Variants in GSE1 observed in about 807,000 individuals in gnomAD.
GSE1 encodes genetic suppressor element 1.
GSE1 carries 32 observed loss-of-function variants against 112.6 expected under a neutral mutation model. The ratio of observed to expected loss-of-function variants is 0.28; its 90% CI spans 0.21 to 0.38. GSE1 has a LOEUF of 0.38. Among genes scored for constraint, GSE1 ranks in the 10% least tolerant of loss-of-function variants. The pLI is 1.00. For synonymous variants in GSE1, 1,115 were observed against 735.6 expected (o/e 1.52, Z -8.35); for missense variants, 2,348 against 1,699.2 (o/e 1.38, Z -6.71).
chr16:85,182,023 A>G (rs1049567382), intron 1 of GSE1, among the ~76,000 whole-genome samples: 3 of 152,216 alleles, frequency 2.0e-5, no homozygotes, highest in African/African-American at 7.2e-5. Flanking sequence ...CCTCTGGACA[A>G]GGGAGCCCCG....
intron 2 of GSE1, among the ~76,000 whole-genome samples, chr16:85,416,941 A>G (rs1245574658): frequency 1.3e-5 from 2 of 150,460 alleles, no homozygotes; most frequent in African/African-American, 4.9e-5. Context: ...TGCAGCCTCA[A>G]CCTCCCAGGC....
chr16:85,302,448 GC>G (rs55673103), intron 1 of GSE1, among the ~76,000 whole-genome samples: 63,952 of 149,636 alleles, frequency 0.43, 14,392 homozygotes, highest in African/African-American at 0.55. Flanking sequence ...ACAGCACACC[GC>G]CCCCCCCCGC....
chr16:85,543,705 G>A (rs1378867636), intron 2 of GSE1, among the ~76,000 whole-genome samples: 3 of 152,218 alleles, frequency 2.0e-5, no homozygotes, highest in African/African-American at 7.2e-5. Context: ...GAGGGCAGCT[G>A]TTGGCTCAAG....
chr16:85,501,495 C>A (rs1021377973), intron 2 of GSE1, among the ~76,000 whole-genome samples: 2 of 150,152 alleles, frequency 1.3e-5, no homozygotes, highest in Non-Finnish European at 3.0e-5. Flanking sequence ...TGGGTTCAAG[C>A]GATCTCCCGC....
At chr16:85,358,991 C>T (rs1183172586) in intron 2 of GSE1, among the ~76,000 whole-genome samples, 1 of 152,238 alleles carries the variant, frequency 6.6e-6, no homozygotes, top group East Asian at 1.9e-4. Flanking sequence ...GAGTGCCTGG[C>T]TCACGGGGCA....
intron 1 of GSE1, among the ~76,000 whole-genome samples, chr16:85,337,021 C>T (rs1383336002): frequency 2.6e-5 from 4 of 152,268 alleles, no homozygotes; most frequent in Non-Finnish European, 5.9e-5. Flanking sequence ...TCCACAGGCA[C>T]ATTTGCTATG....
chr16:85,394,308 T>C (rs1307475441), intron 2 of GSE1, among the ~76,000 whole-genome samples: 1 of 152,104 alleles, frequency 6.6e-6, no homozygotes, highest in Non-Finnish European at 1.5e-5. Context: ...TTAGCGCTCA[T>C]TAAAGTTTAA....
At chr16:85,287,570 G>T (rs2045073922) in intron 1 of GSE1, among the ~76,000 whole-genome samples, 1 of 152,008 alleles carries the variant, frequency 6.6e-6, no homozygotes, top group East Asian at 1.9e-4. Context: ...TGCCCCCTCT[G>T]CCTGGAATGC....
At chr16:85,404,216 C>T (rs2048197232) in intron 2 of GSE1, among the ~76,000 whole-genome samples, 1 of 95,500 alleles carries the variant, frequency 1.0e-5, no homozygotes. Context: ...ATAATCCTCA[C>T]CGTTACACTC....
At chr16:85,658,997 G>GAAAAA (rs1384761256) in intron 8 of GSE1, among the ~76,000 whole-genome samples, 3 of 152,248 alleles carry the variant, frequency 2.0e-5, no homozygotes, top group African/African-American at 7.2e-5. Flanking sequence ...GAACTTGGGG[G>GAAAAA]CCTGACAGGG....
chr16:85,627,604 C>T (rs1045629018), intron 1 of GSE1, among the ~76,000 whole-genome samples: 2 of 152,122 alleles, frequency 1.3e-5, no homozygotes, highest in Admixed American at 6.5e-5. Flanking sequence ...CACCTAGACC[C>T]CTGGCTCGTT....
intron 2 of GSE1, chr16:85,357,708 G>C (rs983131000): frequency 1.8e-6 from 2 of 1,101,974 alleles, no homozygotes; most frequent in Middle Eastern, 2.3e-4. Flanking sequence ...CAGCAGGGAT[G>C]GGGGCTCCCA....
At position 85,661,362 on chromosome 16, in the gene GSE1, C is replaced by T. The variant is rs116863796; in HGVS notation, c.1857C>T (p.Ala619=). The part of the protein sequence containing the change: ...PAAFEPSRQA[A]VPLVKVERVF... Reference sequence around the variant, plus strand: ...CATTTGAGCCCAGCCGCCAGGCAGCCGTGCCGCTGGTGAAGGTGGAGCGGG... The same window carrying T: ...CATTTGAGCCCAGCCGCCAGGCAGCTGTGCCGCTGGTGAAGGTGGAGCGGG... Residue 619 remains alanine, a synonymous_variant, in exon 9 of 16, where the codon GCC becomes GCT. Coordinates refer to ENST00000253458, the MANE Select transcript of GSE1 (RefSeq NM_014615.5). 8.5e-3 allele frequency: 13,630 copies of T among 1,612,236 alleles called. 1,144 individuals are homozygous for T. In the Admixed American group the frequency reaches 0.18, roughly 21 times the overall value.
intron 1 of GSE1, among the ~76,000 whole-genome samples, chr16:85,578,278 T>C (rs2046312614): frequency 6.6e-6 from 1 of 152,182 alleles, no homozygotes; most frequent in Admixed American, 6.5e-5. Flanking sequence ...AAATTACCCC[T>C]TCATCAGCGT....
At chr16:85,300,659 C>G (rs1404215634) in intron 1 of GSE1, among the ~76,000 whole-genome samples, 1 of 152,192 alleles carries the variant, frequency 6.6e-6, no homozygotes, top group Non-Finnish European at 1.5e-5. Context: ...ATGGAGTGGT[C>G]CGACCACGTT....
At chr16:85,205,431 C>T (rs2075099046) in intron 1 of GSE1, among the ~76,000 whole-genome samples, 1 of 152,202 alleles carries the variant, frequency 6.6e-6, no homozygotes, top group Non-Finnish European at 1.5e-5. Flanking sequence ...CGCGCCCAGC[C>T]TTGTCTCTGT....
chr16:85,609,141 G>A (rs74031886), upstream of GSE1, among the ~76,000 whole-genome samples: 1,337 of 152,344 alleles, frequency 8.8e-3, 25 homozygotes, highest in African/African-American at 0.03. Context: ...GGTCTGTGCT[G>A]TCATCCTGCC....
At chr16:85,262,565 T>C (rs1365143034) in intron 1 of GSE1, among the ~76,000 whole-genome samples, 3 of 152,200 alleles carry the variant, frequency 2.0e-5, no homozygotes, top group Non-Finnish European at 2.9e-5. Flanking sequence ...ATTTTGGCCA[T>C]GCCATTAGAC....
At chr16:85,549,867 G>T (rs2044841642) in intron 2 of GSE1, among the ~76,000 whole-genome samples, 1 of 152,168 alleles carries the variant, frequency 6.6e-6, no homozygotes, top group African/African-American at 2.4e-5. Flanking sequence ...AGTGGGTGAT[G>T]GTCACTGTGG....
Sources: allele counts gnomAD v4.1 joint callset (sites outside exome capture counted in the v4.1 genomes callset), GRCh38; gene constraint gnomAD v4.1.1; transcripts MANE v1.5; gene names NCBI Gene and HGNC (gene_info 2026-07-23, HGNC 2026-07-21).